The following E2F2 variants were observed in gnomAD, a reference collection of about 807,000 sequenced individuals.
E2F2 encodes the protein transcription factor E2F2.
E2F2 carries 22 observed loss-of-function variants against 42.2 expected under a neutral mutation model. The ratio of observed to expected loss-of-function variants is 0.52; its 90% CI spans 0.37 to 0.74. The LOEUF (loss-of-function observed/expected upper bound fraction) is 0.74. Among genes scored for constraint, E2F2 ranks in the 30% least tolerant of loss-of-function variants. E2F2 has a pLI of 0.00. For missense variants in E2F2, 481 were observed against 557.8 expected (o/e 0.86, Z 1.39); for synonymous variants, 248 against 251.6 (o/e 0.99, Z 0.13).
chr1:23,521,044 G>A lies in E2F2; in HGVS notation c.606C>T (p.Thr202=), dbSNP rs760133257. 4.3e-6 allele frequency: 7 copies of A among 1,613,174 alleles called. 1 individual carries two copies. In the Admixed American group the frequency reaches 1.2e-4, roughly 27 times the overall value. ...CCAGCTGTTGCTGCTTCCCAGGTCT[G>A]GTGGGGTCTTCAAACATTCCCCTGC... is the stretch of plus-strand genomic sequence containing the variant. The part of the protein sequence containing the change: ...WVGRGMFEDP[T]RPGKQQQLGQ... The change falls in exon 4 of 7, where the codon ACC becomes ACT. Residue 202 remains threonine, a synonymous_variant. Transcript: ENST00000361729.
intron 6 of E2F2, among the ~76,000 whole-genome samples, chr1:23,514,416 G>A (rs1642974714): frequency 6.6e-6 from 1 of 152,142 alleles, no homozygotes; most frequent in African/African-American, 2.4e-5. Context: ...TTAGAGAAGA[G>A]TTGGGAGGCT....
chr1:23,515,223 A>T (rs1205652546), intron 6 of E2F2, among the ~76,000 whole-genome samples: 1 of 152,260 alleles, frequency 6.6e-6, no homozygotes, highest in South Asian at 2.1e-4. Flanking sequence ...ATCCAGGAAA[A>T]GGCAAAAACT....
chr1:23,516,503 T>C lies in E2F2; in HGVS notation c.877A>G (p.Ser293Gly). ...TEDNLQIYLK[S>G]TQGPIEVYLC... ...TAGACTTCGATGGGCCCTTGGGTGCTCTTGAGATATATCTGCAGGTTGTCC... is the reference window on the plus strand; with the variant it reads ...TAGACTTCGATGGGCCCTTGGGTGCCCTTGAGATATATCTGCAGGTTGTCC... The change falls in exon 6 of 7, where the codon AGC becomes GGC. Residue 293 changes from serine to glycine, a missense_variant. Transcript: ENST00000361729. The C allele has an allele frequency of 6.2e-7, 1 of 1,607,822 alleles. No homozygotes were observed. Among genetic ancestry groups the C allele is most frequent in the Non-Finnish European group, 8.5e-7 (1 of 1,177,440 alleles).
chr1:23,510,787 C>T (rs1049828304), intron 6 of E2F2, among the ~76,000 whole-genome samples: 14 of 151,950 alleles, frequency 9.2e-5, no homozygotes, highest in African/African-American at 2.9e-4. Context: ...AGGGGCTGGG[C>T]AGAGAGGGGA....
chr1:23,510,796 G>T (rs890811895), intron 6 of E2F2, among the ~76,000 whole-genome samples: 4 of 152,184 alleles, frequency 2.6e-5, no homozygotes, highest in Non-Finnish European at 5.9e-5. Context: ...GCAGAGAGGG[G>T]AATGGGGAAT....
chr1:23,530,885 A>G lies in E2F2; in HGVS notation c.-92T>C, dbSNP rs1643330382. On this transcript the variant is annotated 5_prime_UTR_variant, in exon 1 of 7. An upstream start codon of the reference 5' UTR is lost. Transcript: ENST00000361729. The surrounding 1 kb of genome is among the most constrained non-coding windows in gnomAD (Gnocchi z 4.4). ...TGCCGCCTTTCACACGGCCCGCGGCATGGCGCGGAGGCCGGGGGAAGCCGC... is the reference window on the plus strand; with the variant it reads ...TGCCGCCTTTCACACGGCCCGCGGCGTGGCGCGGAGGCCGGGGGAAGCCGC... 2 of 1,393,618 alleles carry G rather than the reference A, an allele frequency of 1.4e-6. No homozygotes were observed. The highest frequency in any genetic ancestry group is 9.3e-7 in the Non-Finnish European group (1 of 1,075,608). 86.3% of individuals were successfully genotyped at this position (1,393,618 alleles called of 1,614,324 possible).
chr1:23,512,218 TAAAC>T (rs990780880), intron 6 of E2F2, among the ~76,000 whole-genome samples: 6 of 151,902 alleles, frequency 3.9e-5, no homozygotes, highest in Admixed American at 6.6e-5. Flanking sequence ...AATAAATAAA[TAAAC>T]AAACAAATAA....
intron 5 of E2F2, among the ~76,000 whole-genome samples, chr1:23,518,290 A>C (rs1231730900): frequency 6.6e-6 from 1 of 151,786 alleles, no homozygotes; most frequent in Non-Finnish European, 1.5e-5. Context: ...ACATGGTGAA[A>C]CCCCATCTCT....
chr1:23,513,568 G>A (rs1642955528), intron 6 of E2F2, among the ~76,000 whole-genome samples: 3 of 69,074 alleles, frequency 4.3e-5, no homozygotes, highest in African/African-American at 1.2e-4. Flanking sequence ...GAACATGTGT[G>A]TGTGTGTGTG....
Position 23,521,817 on chromosome 1 carries a change from C to A in E2F2, c.578+20G>T, listed in dbSNP as rs772438288. 6.2e-7 allele frequency: 1 copy of A among 1,612,568 alleles called. No individual in the cohort carries two copies. Among genetic ancestry groups the A allele is most frequent in the Admixed American group, 1.7e-5 (1 of 60,002 alleles). On this transcript the variant is annotated intron_variant, in intron 3 of 6. Coordinates refer to ENST00000361729, the MANE Select transcript of E2F2 (RefSeq NM_004091.4). The stretch of plus-strand genomic sequence containing the variant: ...CACAAGTACCCATTGGAGGGTACCA[C>A]TGGCCGCCCAGGCACTCACACCCAC...
chr1:23,529,697 G>C (rs545164861), intron 1 of E2F2, among the ~76,000 whole-genome samples: 1 of 152,300 alleles, frequency 6.6e-6, no homozygotes, highest in Admixed American at 6.5e-5. Context: ...ACTTGTCCAA[G>C]GACACACAGA....
chr1:23,515,763 A>C (rs922250820), intron 6 of E2F2, among the ~76,000 whole-genome samples: 4 of 151,824 alleles, frequency 2.6e-5, no homozygotes, highest in South Asian at 2.1e-4. Flanking sequence ...GTGCAGTGGC[A>C]TGATCAGAGC....
Position 23,530,385 on chromosome 1 carries a change from T to C in E2F2, c.252+157A>G, listed in dbSNP as rs1396635697. Among the ~76,000 whole-genome samples the C allele has an allele frequency of 1.3e-5, 2 of 152,228 alleles. No homozygotes were observed. Among genetic ancestry groups the C allele is most frequent in the East Asian group, 3.9e-4 (2 of 5,194 alleles). ...GTCTGAAAATGAAGGGGTCTTCTAC[T>C]CAGATATTGGGGGCACTGGGTCCTG... On this transcript the variant is annotated intron_variant, in intron 1 of 6. Coordinates refer to ENST00000361729, the MANE Select transcript of E2F2 (RefSeq NM_004091.4). The surrounding 1 kb of genome is among the most constrained non-coding windows in gnomAD (Gnocchi z 4.4).
At chr1:23,517,957 T>C (rs545500533) in intron 5 of E2F2, among the ~76,000 whole-genome samples, 1 of 151,658 alleles carries the variant, frequency 6.6e-6, no homozygotes, top group Non-Finnish European at 1.5e-5. Flanking sequence ...ATCACTTCTA[T>C]GCCGAAGTTC....
At chr1:23,521,765 G>A (rs1039902545) in intron 3 of E2F2, 72 bp downstream of exon 3, 2 of 1,583,752 alleles carry the variant, frequency 1.3e-6, no homozygotes, top group Non-Finnish European at 1.7e-6. Flanking sequence ...CACACCCACT[G>A]GCTATTGCCT....
In E2F2 at chr1:23,509,796, T is replaced by C. The variant is rs986680569; in HGVS notation, c.*84A>G. 5.5e-6 allele frequency: 8 copies of C among 1,460,924 alleles called. No homozygotes were observed. Among genetic ancestry groups the C allele is most frequent in the South Asian group, 4.4e-5 (3 of 68,052 alleles). 90.5% of individuals were successfully genotyped at this position (1,460,924 alleles called of 1,614,324 possible). On this transcript the variant is annotated 3_prime_UTR_variant, in exon 7 of 7. Coordinates refer to ENST00000361729, the MANE Select transcript of E2F2 (RefSeq NM_004091.4). Reference sequence around the variant, plus strand: ...CCTGAGGGCAGCACCTAGTGTCCAATGTCCCTGTGCAGGCAGAGGGGCTGT... The same window carrying C: ...CCTGAGGGCAGCACCTAGTGTCCAACGTCCCTGTGCAGGCAGAGGGGCTGT...
At chr1:23,505,234 A>G (rs1246328519), downstream of E2F2, among the ~76,000 whole-genome samples, 1 of 152,206 alleles carries the variant, frequency 6.6e-6, no homozygotes, top group Admixed American at 6.5e-5. Flanking sequence ...AGCCATTTAT[A>G]CCATGCAAAA....
In E2F2 at chr1:23,530,573, A is replaced by C. The variant is rs1439009933; in HGVS notation, c.221T>G (p.Val74Gly). 1 of 1,612,212 alleles carries C rather than the reference A, an allele frequency of 6.2e-7. No homozygotes were observed. ...DATPHGPEGQ[V>G]VRCLPAGRLP... ...CCGGCCTGCCGGCAGGCATCGCACA[A>C]CTTGGCCCTCGGGTCCGTGGGGAGT... is the stretch of plus-strand genomic sequence containing the variant. The change falls in exon 1 of 7, where the codon GTT becomes GGT. Residue 74 changes from valine (V) to glycine (G), a missense_variant. Physicochemically the swap from Val to Gly is moderately radical, Grantham distance 109. Transcript: ENST00000361729. This position sits in a 1 kb window ranked among gnomAD's most constrained non-coding sequence, Gnocchi z 4.4.
rs1301282728 is a variant in E2F2 at position 23,530,738 on chromosome 1, A to T, written c.56T>A (p.Val19Glu). 1 of 1,596,966 alleles carries T rather than the reference A, an allele frequency of 6.3e-7. No homozygotes were observed. Residue 19 changes from valine (V) to glutamate (E), a missense_variant, in exon 1 of 7, where the codon GTG becomes GAG. Coordinates refer to ENST00000361729, the MANE Select transcript of E2F2 (RefSeq NM_004091.4). The surrounding 1 kb of genome is among the most constrained non-coding windows in gnomAD (Gnocchi z 4.4). The stretch of plus-strand genomic sequence containing the variant: ...CAGCTCTGTGGGGCTCATCGCGGGC[A>T]CCACCTTCGGGGTCTGCCCAGCGGC... ...ASAAGQTPKV[V>E]PAMSPTELWP...
Sources: gnomAD v4.1 joint callset for allele counts (sites outside exome capture counted in the v4.1 genomes callset) on GRCh38, gnomAD v4.1.1 for gene constraint, Gnocchi (gnomAD v3.1) non-coding constraint, MANE v1.5 for transcripts, NCBI Gene and HGNC (gene_info 2026-07-23, HGNC 2026-07-21) for gene names.